Variants in COX11 observed in about 807,000 individuals in gnomAD.
COX11 encodes the protein cytochrome c oxidase copper chaperone COX11.
Under a neutral mutation model 29.4 loss-of-function variants are expected in COX11, and 18 were observed. That is an observed-to-expected ratio of 0.61 (90% CI 0.42 to 0.91). COX11 has a LOEUF of 0.91. Ranked by LOEUF, COX11 falls within the 40% of genes least tolerant of loss-of-function variation. The pLI is 0.00. For synonymous variants in COX11, 131 were observed against 124.0 expected, an observed-to-expected ratio of 1.06 and a Z score of -0.38; for missense variants, 312 against 346.0, an observed-to-expected ratio of 0.90 and a Z score of 0.78.
At chr17:54,967,375 G>A (rs1026107405) in intron 1 of COX11, among the ~76,000 whole-genome samples, 1 of 152,110 alleles carries the variant, frequency 6.6e-6, no homozygotes, top group Admixed American at 6.5e-5. Flanking sequence ...CAGAATCTCT[G>A]GGGTAGGGGA....
rs776928633 is a variant in COX11, at chr17:54,963,431, C to A, written c.523G>T (p.Val175Leu). ...NFRPQQTEIYVVPGETALAFY... is the reference protein window; with the variant it reads ...NFRPQQTEIYLVPGETALAFY... ...GCCAGTGCAGTCTCTCCTGGCACCA[C>A]CTGTTTTAAAGAATATATATATTAT... Residue 175 changes from valine to leucine, a missense_variant and splice_region_variant, in exon 3 of 4, where the codon GTG (valine) becomes TTG (leucine). Physicochemically the swap from Val to Leu is conservative, Grantham distance 32. Coordinates refer to ENST00000299335, the MANE Select transcript of COX11 (RefSeq NM_004375.5). The A allele has an allele frequency of 2.5e-6, 4 of 1,606,570 alleles. No individual in the cohort carries two copies. Among genetic ancestry groups the A allele is most frequent in the African/African-American group, 1.3e-5 (1 of 74,516 alleles).
chr17:54,968,290 G>C lies in COX11; in HGVS notation c.357C>G (p.Leu119=). ...CGGCGCCGGCCCCTACCTGGCAATA[G>C]AGCCGATAAAGGGGTACGGCAGCGT... is the stretch of plus-strand genomic sequence containing the variant. ...ASYAAVPLYR[L]YCQTTGLGGS... is the part of the protein sequence containing the mutation. The change falls in exon 1 of 4, where the codon CTC becomes CTG. Residue 119 remains leucine, a synonymous_variant. Coordinates refer to ENST00000299335, the MANE Select transcript of COX11 (RefSeq NM_004375.5). The C allele has an allele frequency of 6.2e-7, 1 of 1,612,098 alleles. No individual in the cohort carries two copies. Among genetic ancestry groups the C allele is most frequent in the Non-Finnish European group, 8.5e-7 (1 of 1,179,538 alleles).
chr17:54,958,262 AGAACT>A (rs1410615270), downstream of COX11: 2 of 152,266 alleles, frequency 1.3e-5, no homozygotes, highest in Non-Finnish European at 2.9e-5. Flanking sequence ...AAGTAAGATA[AGAACT>A]GAAAACTAGA....
exon 1 of COX11, chr17:54,952,484 T>C (rs1003698880): frequency 1.4e-5 from 2 of 148,002 alleles, no homozygotes; most frequent in Admixed American, 1.4e-4. Context: ...GAGGTAGAGG[T>C]TGCAGTGAGC....
At chr17:54,966,933 T>C (rs2077228515) in intron 1 of COX11, among the ~76,000 whole-genome samples, 2 of 152,146 alleles carry the variant, frequency 1.3e-5, no homozygotes, top group Non-Finnish European at 2.9e-5. Flanking sequence ...CCCAGCACTT[T>C]GGGAGGCCAA....
Position 54,961,328 on chromosome 17 carries a change from T to C in COX11, c.*1405A>G. On this transcript the variant is annotated 3_prime_UTR_variant, in exon 4 of 4. Coordinates refer to ENST00000299335, the MANE Select transcript of COX11 (RefSeq NM_004375.5). Reference sequence around the variant, plus strand: ...GCTTTGAAGCCTGGAAGACAATACCTACCAACATGTCAAAGCCATGGTGGC... The same window carrying C: ...GCTTTGAAGCCTGGAAGACAATACCCACCAACATGTCAAAGCCATGGTGGC... The C allele has an allele frequency of 1.3e-6, 2 of 1,551,514 alleles. No individual in the cohort carries two copies. The highest frequency in any genetic ancestry group is 1.7e-6 in the Non-Finnish European group (2 of 1,146,870).
Position 54,960,633 on chromosome 17 carries a change from G to C in COX11, c.*2100C>G, listed in dbSNP as rs141417404. 34 of 1,597,344 alleles carry C rather than the reference G, an allele frequency of 2.1e-5. No individual in the cohort carries two copies. In the African/African-American group the frequency reaches 3.7e-4, roughly 18 times the overall value. Reference sequence around the variant, plus strand: ...TCAAAATGATGGTGACTGAGGTAAAGACTTCAACTTATACAACTTAATTCC... The same window carrying C: ...TCAAAATGATGGTGACTGAGGTAAACACTTCAACTTATACAACTTAATTCC... On this transcript the variant is annotated 3_prime_UTR_variant, in exon 4 of 4. Coordinates refer to ENST00000299335, the MANE Select transcript of COX11 (RefSeq NM_004375.5).
At chr17:54,953,791 G>A (rs145526410) in exon 1 of COX11, 1 of 152,318 alleles carries the variant, frequency 6.6e-6, no homozygotes, top group East Asian at 1.9e-4. Context: ...TTGGAAAGGG[G>A]GAGTATGTGG....
At position 54,968,243 on chromosome 17, in the gene COX11, C is replaced by A. The variant is rs1334928087; in HGVS notation, c.366+38G>T. 4 of 1,591,112 alleles carry A rather than the reference C, an allele frequency of 2.5e-6. No individual in the cohort carries two copies. The South Asian group carries it at 3.4e-5, about 13-fold the overall frequency. On this transcript the variant is annotated intron_variant, in intron 1 of 3. Coordinates refer to ENST00000299335, the MANE Select transcript of COX11 (RefSeq NM_004375.5). ...GGATTTGTCTTGCACCCCCACCTCT[C>A]GCGTCTGCGCCACCCTGCGGGCGGC... is the stretch of plus-strand genomic sequence containing the variant.
Position 54,962,461 on chromosome 17 carries a change from A to G in COX11, c.*272T>C, listed in dbSNP as rs568963022. On this transcript the variant is annotated 3_prime_UTR_variant, in exon 4 of 4. Transcript: ENST00000299335. ...GGAATTAAGCTGAACCCATGCCTGC[A>G]TATTTAAAAAACAAAGCGGCTTATT... 2.8e-6 allele frequency: 3 copies of G among 1,062,614 alleles called. No individual in the cohort carries two copies. Among genetic ancestry groups the G allele is most frequent in the African/African-American group, 1.7e-5 (1 of 59,444 alleles). The allele number at this position is 1,062,614 out of a possible 1,614,324, so 65.8% of individuals were successfully genotyped here. A position where few individuals can be genotyped will look rare whatever the true frequency, so the allele number is the denominator to read the frequency against.
chr17:54,965,424 TGTATA>T (rs1468530097), intron 1 of COX11, among the ~76,000 whole-genome samples: 1 of 152,238 alleles, frequency 6.6e-6, no homozygotes, highest in African/African-American at 2.4e-5. Context: ...TGTACTTCTC[TGTATA>T]GTAGAGCTTT....
intron 1 of COX11, among the ~76,000 whole-genome samples, chr17:54,966,590 T>G (rs1334774776): frequency 6.6e-6 from 1 of 152,194 alleles, no homozygotes; most frequent in Non-Finnish European, 1.5e-5. Flanking sequence ...CTCCATGTTG[T>G]GACAACCAAA....
At position 54,961,604 on chromosome 17, in the gene COX11, AATAG is replaced by A; in HGVS notation, c.*1125_*1128del. 2 of 1,174,616 alleles carry A rather than the reference AATAG, an allele frequency of 1.7e-6. No individual in the cohort carries two copies. Among genetic ancestry groups the A allele is most frequent in the Non-Finnish European group, 2.1e-6 (2 of 949,560 alleles). The allele number at this position is 1,174,616 out of a possible 1,614,324, so 72.8% of individuals were successfully genotyped here. A position where few individuals can be genotyped will look rare whatever the true frequency, so the allele number is the denominator to read the frequency against. On this transcript the variant is annotated 3_prime_UTR_variant, in exon 4 of 4. Transcript: ENST00000299335. ...ATTATTTTACTATGAAATAATTCTG[AATAG>A]ATGAAAGCATAAAATGTGAGAAACT...
At position 54,964,865 on chromosome 17, in the gene COX11, A is replaced by T; in HGVS notation, c.367-13T>A. 1 of 1,609,932 alleles carries T rather than the reference A, an allele frequency of 6.2e-7. No homozygotes were observed. Among genetic ancestry groups the T allele is most frequent in the Non-Finnish European group, 8.5e-7 (1 of 1,178,808 alleles). On this transcript the variant is annotated splice_polypyrimidine_tract_variant and intron_variant, in intron 1 of 3. Coordinates refer to ENST00000299335, the MANE Select transcript of COX11 (RefSeq NM_004375.5). ...CAAGTCCAGTAGTCTAGAAAAAGAT[A>T]CCAAATATGTTAAACAATACTTTTA...
chr17:54,966,863 T>G (rs2144172713), intron 1 of COX11, among the ~76,000 whole-genome samples: 1 of 152,316 alleles, frequency 6.6e-6, no homozygotes, highest in East Asian at 1.9e-4. Flanking sequence ...TGTCTTCTGC[T>G]TCATCATCTA....
At chr17:54,964,945 A>AATAC in intron 1 of COX11, 93 bp from the exon 2 acceptor site, 1 of 1,267,546 alleles carries the variant, frequency 7.9e-7, no homozygotes, top group Non-Finnish European at 1.1e-6. Context: ...AGTATTTATA[A>AATAC]TCCATTTGGA....
At chr17:54,963,553 G>T in intron 2 of COX11, 122 bp from the exon 3 acceptor site, 1 of 932,730 alleles carries the variant, frequency 1.1e-6, no homozygotes, top group South Asian at 1.8e-5. Flanking sequence ...CTAATGTAGG[G>T]TTCAGCAAAA....
At chr17:54,968,021 C>T (rs2077292815) in intron 1 of COX11, among the ~76,000 whole-genome samples, 2 of 100,654 alleles carry the variant, frequency 2.0e-5, no homozygotes, top group African/African-American at 7.9e-5. Context: ...TGGCGAGGTG[C>T]AGTTCATAGA....
exon 1 of COX11, chr17:54,954,490 C>T (rs1015821273): frequency 6.6e-6 from 1 of 152,308 alleles, no homozygotes; most frequent in Non-Finnish European, 1.5e-5. Flanking sequence ...CCTGCTATTG[C>T]CATAGCAGGA....
Sources: allele counts gnomAD v4.1 joint callset (sites outside exome capture counted in the v4.1 genomes callset), GRCh38; gene constraint gnomAD v4.1.1; transcripts MANE v1.5; gene names NCBI Gene and HGNC (gene_info 2026-07-23, HGNC 2026-07-21).